Variants in ZNF138 observed in about 807,000 individuals in gnomAD.
The protein encoded by ZNF138 is zinc finger protein 138 (clone pHZ-32).
Under a neutral mutation model 33.0 loss-of-function variants are expected in ZNF138, and 33 were observed. The observed-to-expected ratio is 1.00, with a 90% confidence interval of 0.76 to 1.34. ZNF138 has a LOEUF of 1.34. ZNF138 is among the 40% of genes most tolerant of loss of function. The pLI is 0.00. For missense variants in ZNF138, 360 were observed against 370.8 expected, an observed-to-expected ratio of 0.97 and a Z score of 0.24; for synonymous variants, 139 against 120.4, an observed-to-expected ratio of 1.15 and a Z score of -1.01.
chr7:64,821,035 G>GTTT (rs71061313), intron 3 of ZNF138, among the ~76,000 whole-genome samples: 64,883 of 145,714 alleles, frequency 0.45, 15,268 homozygotes, highest in South Asian at 0.56. Context: ...TGAGGTGATT[G>GTTT]TTTTTTTTTG....
At chr7:64,813,327 A>G (rs1042565267) in intron 1 of ZNF138, among the ~76,000 whole-genome samples, 1 of 152,212 alleles carries the variant, frequency 6.6e-6, no homozygotes, top group African/African-American at 2.4e-5. Context: ...TCTGAAAAAA[A>G]TTATTAAGAG....
intron 3 of ZNF138, among the ~76,000 whole-genome samples, chr7:64,828,560 G>A (rs577295509): frequency 5.3e-5 from 8 of 152,160 alleles, no homozygotes; most frequent in East Asian, 1.9e-4. Flanking sequence ...TTTGTTGACC[G>A]AAATTTGCAT....
chr7:64,860,447 C>A, the ZNF138 span, among the ~76,000 whole-genome samples: 21 of 152,286 alleles, frequency 1.4e-4, no homozygotes, highest in Non-Finnish European at 2.9e-4. Flanking sequence ...TCCCCAGCCT[C>A]TGTTACGTTT....
rs569487373 is a variant in ZNF138 at position 64,794,443 on chromosome 7, G to T, written c.-126G>T. 97 of 1,384,544 alleles carry T rather than the reference G, an allele frequency of 7.0e-5. No homozygotes were observed. The highest frequency in any genetic ancestry group is 9.7e-5 in the Non-Finnish European group (95 of 983,364). 85.8% of individuals were successfully genotyped at this position (1,384,544 alleles called of 1,614,324 possible). A position where few individuals can be genotyped will look rare whatever the true frequency, so the allele number is the denominator to read the frequency against. ...CGGGGTCTTTGTCTCGCTGCAGCGG[G>T]TGCTGCAGGTCTGGCCTTCACTTTT... is the stretch of plus-strand genomic sequence containing the variant. On this transcript the variant is annotated 5_prime_UTR_variant, in exon 1 of 4. Transcript: ENST00000307355.
Position 64,833,183 on chromosome 7 carries a change from A to T in ZNF138, c.*981A>T, listed in dbSNP as rs144461184. 377 of 246,080 alleles carry T rather than the reference A, an allele frequency of 1.5e-3. No individual in the cohort carries two copies. The highest frequency in any genetic ancestry group is 7.8e-3 in the African/African-American group (349 of 44,688). 15.2% of individuals were successfully genotyped at this position (246,080 alleles called of 1,614,324 possible). On this transcript the variant is annotated 3_prime_UTR_variant, in exon 4 of 4. Transcript: ENST00000307355. The stretch of plus-strand genomic sequence containing the variant: ...ACACCACAAATGTGAAAAATTTGGT[A>T]AATTCTTTAACAAGTCTTCAACCCT...
chr7:64,832,431 G>A lies in ZNF138; in HGVS notation c.*229G>A. 2.0e-6 allele frequency: 3 copies of A among 1,468,940 alleles called. No homozygotes were observed. Among genetic ancestry groups the A allele is most frequent in the Non-Finnish European group, 2.7e-6 (3 of 1,106,984 alleles). The allele number at this position is 1,468,940 out of a possible 1,614,324, so 91.0% of individuals were successfully genotyped here. On this transcript the variant is annotated 3_prime_UTR_variant, in exon 4 of 4. Transcript: ENST00000307355. ...AAAACCCTACAAATGTAAAGAATGT[G>A]GAAAAGCTTTTCACCGATACTCAAT...
chr7:64,847,927 T>C, the ZNF138 span, among the ~76,000 whole-genome samples: 1 of 152,150 alleles, frequency 6.6e-6, no homozygotes, highest in South Asian at 2.1e-4. Flanking sequence ...TTTTTTTAAA[T>C]TGTATTTTTG....
intron 3 of ZNF138, 39 bp downstream of exon 3, chr7:64,815,692 G>A: frequency 6.4e-7 from 1 of 1,573,368 alleles, no homozygotes; most frequent in Non-Finnish European, 8.7e-7. Flanking sequence ...CAGATGAGAG[G>A]TCAAAGGCCA....
At chr7:64,838,259 G>T (rs930147988), downstream of ZNF138, among the ~76,000 whole-genome samples, 2 of 152,228 alleles carry the variant, frequency 1.3e-5, no homozygotes, top group African/African-American at 4.8e-5. Flanking sequence ...GGCCGGGGCA[G>T]TCTGACTTCC....
chr7:64,853,161 A>T, the ZNF138 span: 2 of 1,530,696 alleles, frequency 1.3e-6, no homozygotes, highest in Non-Finnish European at 1.8e-6. Flanking sequence ...ATCCATTCCA[A>T]TGCCAAGCCT....
the ZNF138 span, among the ~76,000 whole-genome samples, chr7:64,846,553 G>T: frequency 6.6e-6 from 1 of 152,132 alleles, no homozygotes; most frequent in Non-Finnish European, 1.5e-5. Context: ...TTCTTAATTT[G>T]ATTTTCAGCT....
the ZNF138 span, among the ~76,000 whole-genome samples, chr7:64,849,438 T>C: frequency 6.6e-6 from 1 of 152,130 alleles, no homozygotes; most frequent in Non-Finnish European, 1.5e-5. Flanking sequence ...GAGGTGGCGC[T>C]TTAAAGGGAG....
chr7:64,841,760 G>C, the ZNF138 span, among the ~76,000 whole-genome samples: 1 of 152,210 alleles, frequency 6.6e-6, no homozygotes, highest in Non-Finnish European at 1.5e-5. Flanking sequence ...ATGGTACTTT[G>C]TAGGTTTTGA....
At chr7:64,853,472 A>G in the ZNF138 span, 43 of 573,956 alleles carry the variant, frequency 7.5e-5, 2 homozygotes, top group East Asian at 2.2e-4. Context: ...TTTTCTATAT[A>G]TATGAGATCA....
At chr7:64,805,858 A>G (rs1169318122) in intron 1 of ZNF138, among the ~76,000 whole-genome samples, 1 of 152,236 alleles carries the variant, frequency 6.6e-6, no homozygotes, top group Non-Finnish European at 1.5e-5. Context: ...CAATTAACAC[A>G]CATGGATGGC....
chr7:64,816,528 T>A (rs1788651842), intron 3 of ZNF138, among the ~76,000 whole-genome samples: 1 of 152,168 alleles, frequency 6.6e-6, no homozygotes, highest in Admixed American at 6.5e-5. Context: ...TATACTTGTA[T>A]GTTAATTTTA....
chr7:64,819,120 T>C (rs1270683262), intron 3 of ZNF138, among the ~76,000 whole-genome samples: 1 of 152,202 alleles, frequency 6.6e-6, no homozygotes, highest in Non-Finnish European at 1.5e-5. Flanking sequence ...TGGGGTTTAA[T>C]AGATAAATCA....
the ZNF138 span, among the ~76,000 whole-genome samples, chr7:64,853,714 A>G: frequency 1.3e-5 from 2 of 151,706 alleles, no homozygotes; most frequent in Admixed American, 1.3e-4. Context: ...CAGCATATAC[A>G]TATCATATTA....
intron 3 of ZNF138, among the ~76,000 whole-genome samples, chr7:64,822,383 A>G (rs1371757179): frequency 6.6e-6 from 1 of 151,658 alleles, no homozygotes; most frequent in South Asian, 2.1e-4. Context: ...GCCAAGATCA[A>G]TGTCATGTTT....
Sources: allele counts gnomAD v4.1 joint callset (sites outside exome capture counted in the v4.1 genomes callset), GRCh38; gene constraint gnomAD v4.1.1; transcripts MANE v1.5; gene names NCBI Gene and HGNC (gene_info 2026-07-23, HGNC 2026-07-21).